ADGRG7: variants seen among roughly 807,000 people sequenced by gnomAD.
ADGRG7 encodes G-protein coupled receptor 128.
A neutral mutation model predicts 88.6 loss-of-function variants in ADGRG7; 82 were observed. The observed-to-expected ratio is 0.93, with a 90% CI of 0.77 to 1.11. ADGRG7 has a LOEUF of 1.11. Ranked by LOEUF, ADGRG7 falls within the 50% of genes most tolerant of loss-of-function variation. The pLI, the probability that ADGRG7 is intolerant of heterozygous loss-of-function variation, is 0.00. For missense variants in ADGRG7, 945 were observed against 953.4 expected, an observed-to-expected ratio of 0.99 and a Z score of 0.12; for synonymous variants, 381 against 345.2, an observed-to-expected ratio of 1.10 and a Z score of -1.15.
intron 15 of ADGRG7, among the ~76,000 whole-genome samples, chr3:100,685,088 G>T (rs1274085462): frequency 6.6e-6 from 1 of 151,754 alleles, no homozygotes; most frequent in Non-Finnish European, 1.5e-5. Context: ...TTTTATATTG[G>T]AATGTCCTGT....
chr3:100,647,020 A>G lies in ADGRG7; in HGVS notation c.1266+296A>G, dbSNP rs182222301. The stretch of plus-strand genomic sequence containing the variant: ...TAAAAATACAGAAATTACCAGGTGT[A>G]GTGGTGCACGCCTGTAATCCCAGCT... On this transcript the variant is annotated intron_variant, in intron 10 of 15. Transcript: ENST00000273352. 3.5e-3 allele frequency among the ~76,000 whole-genome samples: 529 copies of G among 152,098 alleles called. 5 individuals carry two copies. The highest frequency in any genetic ancestry group is 5.1e-3 in the Non-Finnish European group (350 of 67,968).
intron 11 of ADGRG7, among the ~76,000 whole-genome samples, chr3:100,650,771 A>G (rs995572883): frequency 6.6e-6 from 1 of 152,124 alleles, no homozygotes; most frequent in Non-Finnish European, 1.5e-5. Context: ...AGGCTGCATG[A>G]TATCCTGTTT....
At chr3:100,639,052 G>A (rs1459249254) in intron 6 of ADGRG7, among the ~76,000 whole-genome samples, 11 of 84,988 alleles carry the variant, frequency 1.3e-4, no homozygotes, top group South Asian at 3.9e-4. Context: ...GTGTGTGTGT[G>A]TGTGTATGTA....
At chr3:100,666,255 G>A (rs1235464862) in intron 14 of ADGRG7, among the ~76,000 whole-genome samples, 3 of 152,232 alleles carry the variant, frequency 2.0e-5, no homozygotes, top group East Asian at 1.9e-4. Flanking sequence ...AGGGGGACCC[G>A]GGGAACCAGC....
chr3:100,619,410 G>A (rs1359291155), intron 1 of ADGRG7, among the ~76,000 whole-genome samples: 1 of 152,202 alleles, frequency 6.6e-6, no homozygotes, highest in East Asian at 1.9e-4. Flanking sequence ...TCAAAGCAGT[G>A]TGTAGAGGGA....
intron 5 of ADGRG7, among the ~76,000 whole-genome samples, chr3:100,637,072 T>A (rs1032577500): frequency 6.6e-6 from 1 of 152,208 alleles, no homozygotes; most frequent in African/African-American, 2.4e-5. Flanking sequence ...ATTCAGGGAC[T>A]TAAACCTCCT....
intron 15 of ADGRG7, among the ~76,000 whole-genome samples, chr3:100,686,148 T>C (rs2094982234): frequency 6.6e-6 from 1 of 151,942 alleles, no homozygotes; most frequent in Non-Finnish European, 1.5e-5. Context: ...TTTTTTCATG[T>C]GTTTTTTGGC....
At position 100,609,903 on chromosome 3, in the gene ADGRG7, T is replaced by A. The variant is rs1707121134; in HGVS notation, c.47T>A (p.Val16Glu). 6.2e-7 allele frequency: 1 copy of A among 1,613,898 alleles called. No homozygotes were observed. The highest frequency in any genetic ancestry group is 1.1e-5 in the South Asian group (1 of 91,082). ...AACCTTAGGGTGCTGGTGGCTGTCG[T>A]GTGTGGACTACTGACTGGCATCATT... ...AWNLRVLVAV[V>E]CGLLTGIILG... Residue 16 changes from valine (V) to glutamate (E), a missense_variant, in exon 1 of 16, where the codon GTG becomes GAG. Transcript: ENST00000273352.
intron 1 of ADGRG7, among the ~76,000 whole-genome samples, chr3:100,612,521 T>C (rs1485079146): frequency 2.6e-5 from 4 of 152,188 alleles, no homozygotes; most frequent in African/African-American, 9.7e-5. Context: ...TAATTAAGCT[T>C]TATTATATTT....
At chr3:100,653,147 A>G (rs920907683) in intron 11 of ADGRG7, among the ~76,000 whole-genome samples, 19 of 152,354 alleles carry the variant, frequency 1.2e-4, no homozygotes, top group Middle Eastern at 3.4e-3. Flanking sequence ...AAATATTGTT[A>G]TGTATAAACC....
At chr3:100,691,236 G>A (rs1304823313) in intron 15 of ADGRG7, among the ~76,000 whole-genome samples, 1 of 152,318 alleles carries the variant, frequency 6.6e-6, no homozygotes, top group Non-Finnish European at 1.5e-5. Context: ...GGGTGGGAGT[G>A]ACCCGATTTT....
chr3:100,645,002 G>A (rs569628785), intron 8 of ADGRG7, among the ~76,000 whole-genome samples: 14 of 152,188 alleles, frequency 9.2e-5, no homozygotes, highest in Non-Finnish European at 1.9e-4. Flanking sequence ...GGCCACAGAG[G>A]AGGACAATTT....
At chr3:100,650,332 A>AT (rs1428013254) in intron 11 of ADGRG7, among the ~76,000 whole-genome samples, 1 of 152,146 alleles carries the variant, frequency 6.6e-6, no homozygotes, top group East Asian at 1.9e-4. Context: ...TTGAGGTCCA[A>AT]TTTTGTATCC....
At chr3:100,689,301 A>G (rs1364649036) in intron 15 of ADGRG7, among the ~76,000 whole-genome samples, 1 of 152,208 alleles carries the variant, frequency 6.6e-6, no homozygotes, top group Non-Finnish European at 1.5e-5. Context: ...TCCTGAATAC[A>G]GCACACTGAT....
Position 100,654,902 on chromosome 3 carries a change from C to G in ADGRG7, c.1447C>G (p.Leu483Val). ...GTGCATATCAATGTTGATTTTCAAC[C>G]TCCTCTTTGTGTTTGGAATTGAAAA... ...NLCISMLIFN[L>V]LFVFGIENSN... is the part of the protein sequence containing the mutation. The change falls in exon 12 of 16, where the codon CTC becomes GTC. Residue 483 changes from leucine to valine, a missense_variant. Transcript: ENST00000273352. 1 of 1,613,814 alleles carries G rather than the reference C, an allele frequency of 6.2e-7. No homozygotes were observed. The highest frequency in any genetic ancestry group is 8.5e-7 in the Non-Finnish European group (1 of 1,179,832).
intron 15 of ADGRG7, among the ~76,000 whole-genome samples, chr3:100,690,475 G>A (rs1329504028): frequency 2.0e-5 from 3 of 152,036 alleles, no homozygotes; most frequent in Non-Finnish European, 2.9e-5. Flanking sequence ...TTTTCTGCTC[G>A]GTTTTTTCCC....
intron 10 of ADGRG7, among the ~76,000 whole-genome samples, chr3:100,646,925 C>T (rs752642514): frequency 2.7e-4 from 41 of 152,124 alleles, no homozygotes; most frequent in Admixed American, 5.2e-4. Flanking sequence ...TTTGGAAGGC[C>T]GAGGCGGGCA....
At chr3:100,620,095 GAC>G (rs1284099335) in intron 1 of ADGRG7, among the ~76,000 whole-genome samples, 3 of 152,098 alleles carry the variant, frequency 2.0e-5, no homozygotes, top group African/African-American at 7.2e-5. Context: ...GCCTGGCAGA[GAC>G]ACAACAAAAA....
chr3:100,680,730 A>G (rs1158881412), intron 15 of ADGRG7, among the ~76,000 whole-genome samples: 1 of 152,190 alleles, frequency 6.6e-6, no homozygotes, highest in Non-Finnish European at 1.5e-5. Context: ...TTATAACAAT[A>G]TAAGTCCTCT....
Sources: gnomAD v4.1 joint callset for allele counts (sites outside exome capture counted in the v4.1 genomes callset) on GRCh38, gnomAD v4.1.1 for gene constraint, MANE v1.5 for transcripts, NCBI Gene and HGNC (gene_info 2026-07-23, HGNC 2026-07-21) for gene names.